The following SPTBN2 variants were observed in gnomAD, a reference collection of about 807,000 sequenced individuals.
SPTBN2 encodes the protein spectrin beta chain, non-erythrocytic 2.
SPTBN2 carries 107 observed loss-of-function variants against 284.2 expected under a neutral mutation model. That is an observed-to-expected ratio of 0.38 (90% confidence interval 0.32 to 0.44). SPTBN2 has a LOEUF of 0.44. SPTBN2 is among the 20% of genes least tolerant of loss of function. The pLI is 1.00. For missense variants in SPTBN2, 2,569 were observed against 3,287.1 expected, an observed-to-expected ratio of 0.78 and a Z score of 5.34; for synonymous variants, 1,289 against 1,354.8, an observed-to-expected ratio of 0.95 and a Z score of 1.07.
At chr11:66,692,427 C>T (rs1940621368) in intron 26 of SPTBN2, 109 bp downstream of exon 26, 3 of 1,350,446 alleles carry the variant, frequency 2.2e-6, no homozygotes, top group South Asian at 2.4e-5. Flanking sequence ...TCAGCCTGGT[C>T]TTGCCCCTTA....
chr11:66,702,214 T>G (rs572420143), intron 15 of SPTBN2, among the ~76,000 whole-genome samples: 2 of 152,384 alleles, frequency 1.3e-5, no homozygotes, highest in Admixed American at 6.5e-5. Context: ...TCACCCAGGC[T>G]GGAGTGTAGT....
chr11:66,697,217 C>T (rs979010171), intron 20 of SPTBN2, among the ~76,000 whole-genome samples: 2 of 152,138 alleles, frequency 1.3e-5, no homozygotes, highest in African/African-American at 2.4e-5. Context: ...TGACTTCTGT[C>T]CCTTCTCATG....
Position 66,687,469 on chromosome 11 carries a change from C to T in SPTBN2, c.6680G>A (p.Arg2227His), listed in dbSNP as rs370257588. 6.8e-6 allele frequency: 11 copies of T among 1,609,678 alleles called. No individual in the cohort carries two copies. Among genetic ancestry groups the T allele is most frequent in the East Asian group, 2.2e-5 (1 of 44,876 alleles). The stretch of plus-strand genomic sequence containing the variant: ...CCCGAAGGCCTCCATCTCCTGCTTG[C>T]GGCACAGCATCCCCTCCATCTGCTC... ...AQEQMEGMLC[R>H]KQEMEAFGKK... The change falls in exon 35 of 38, where the codon CGC becomes CAC. Residue 2227 changes from arginine (R) to histidine (H), a missense_variant. By Grantham distance (29) the Arg-to-His change is conservative. Around this residue, in one of 6 missense-constraint regions of SPTBN2, gnomAD observed 1,130 missense variants for 1,317.3 expected, o/e 0.86. Transcript: ENST00000533211. The surrounding 1 kb of genome is among the most constrained non-coding windows in gnomAD (Gnocchi z 5.2).
Position 66,687,649 on chromosome 11 carries a change from T to TG in SPTBN2, c.6502-3dup, listed in dbSNP as rs761325731. The TG allele has an allele frequency of 2.9e-5, 46 of 1,589,622 alleles. No individual in the cohort carries two copies. In the East Asian group the frequency reaches 4.3e-4, roughly 15 times the overall value. ...GGCTTCGTCCCCTGAGCCAGGTCCC[T>TG]GGGGGGGAATCAGTGTCAGTGTCAA... On this transcript the variant is annotated splice_polypyrimidine_tract_variant and splice_region_variant and intron_variant, in intron 34 of 37. Transcript: ENST00000533211. This position sits in a 1 kb window ranked among gnomAD's most constrained non-coding sequence, Gnocchi z 5.2.
chr11:66,700,115 CCAGTT>C lies in SPTBN2; in HGVS notation c.3573+406_3573+410del, dbSNP rs1462489579. 4.6e-5 allele frequency among the ~76,000 whole-genome samples: 7 copies of C among 151,664 alleles called. No homozygotes were observed. Among genetic ancestry groups the C allele is most frequent in the African/African-American group, 9.7e-5 (4 of 41,156 alleles). On this transcript the variant is annotated intron_variant, in intron 17 of 37. Coordinates refer to ENST00000533211, the MANE Select transcript of SPTBN2 (RefSeq NM_006946.4). This position sits in a 1 kb window ranked among gnomAD's most constrained non-coding sequence, Gnocchi z 6.6. Reference sequence around the variant, plus strand: ...GAGCTACAGGCATGCACCACCATGTCCAGTTAATTTTTTTTTTTCATAGAGATGGG... The same window carrying C: ...GAGCTACAGGCATGCACCACCATGTCAATTTTTTTTTTTCATAGAGATGGG...
chr11:66,700,732 G>T lies in SPTBN2; in HGVS notation c.3367C>A (p.Arg1123=). The change falls in exon 17 of 38, where the codon CGG becomes AGG. Residue 1123 remains arginine, a synonymous_variant. Transcript: ENST00000533211. This position sits in a 1 kb window ranked among gnomAD's most constrained non-coding sequence, Gnocchi z 6.6. ...EVERAQSEYS[R]LRALGEEVTR... is the part of the protein sequence containing the mutation. ...ACCTCCTCGCCCAGGGCTCGCAGCC[G>T]GCTATACTCGCTCTGGGCCCGCTCC... The T allele has an allele frequency of 6.2e-7, 1 of 1,603,394 alleles. No homozygotes were observed. Among genetic ancestry groups the T allele is most frequent in the Non-Finnish European group, 8.5e-7 (1 of 1,179,806 alleles).
intron 1 of SPTBN2, among the ~76,000 whole-genome samples, chr11:66,736,638 T>C (rs1005085728): frequency 2.0e-5 from 3 of 152,236 alleles, no homozygotes; most frequent in African/African-American, 7.2e-5. Context: ...AGTGTCTGAT[T>C]ACACTCATCT....
intron 1 of SPTBN2, among the ~76,000 whole-genome samples, chr11:66,743,418 C>T (rs966914517): frequency 1.4e-4 from 21 of 152,224 alleles, no homozygotes; most frequent in African/African-American, 5.1e-4. Flanking sequence ...CTGTCCAATC[C>T]TGGCGTCTTG....
At position 66,701,848 on chromosome 11, in the gene SPTBN2, C is replaced by T. The variant is rs968950885; in HGVS notation, c.2679-127G>A. Reference sequence around the variant, plus strand: ...CCAGGAGGCTTATCTGCAGGAGTCTCTCTGCCTCTCAGCCTATGAGGTTCA... The same window carrying T: ...CCAGGAGGCTTATCTGCAGGAGTCTTTCTGCCTCTCAGCCTATGAGGTTCA... On this transcript the variant is annotated intron_variant, in intron 15 of 37. Coordinates refer to ENST00000533211, the MANE Select transcript of SPTBN2 (RefSeq NM_006946.4). 2.3e-6 allele frequency: 3 copies of T among 1,329,090 alleles called. No homozygotes were observed. The African/African-American group carries it at 4.3e-5, about 19-fold the overall frequency. The allele number at this position is 1,329,090 out of a possible 1,614,324, so 82.3% of individuals were successfully genotyped here.
At chr11:66,728,352 T>C (rs1010017730) in intron 1 of SPTBN2, 1 of 143,860 alleles carries the variant, frequency 7.0e-6, no homozygotes, top group African/African-American at 2.5e-5. Flanking sequence ...GCGGGGCGCG[T>C]GGCGGCGGCG....
intron 1 of SPTBN2, among the ~76,000 whole-genome samples, chr11:66,734,862 G>T (rs1456557744): frequency 6.6e-6 from 1 of 152,190 alleles, no homozygotes; most frequent in East Asian, 1.9e-4. Context: ...ATCAAATGAT[G>T]TATTTCCCAT....
At chr11:66,722,946 C>A (rs1469165570) in intron 1 of SPTBN2, among the ~76,000 whole-genome samples, 1 of 151,354 alleles carries the variant, frequency 6.6e-6, no homozygotes, top group Admixed American at 6.6e-5. Context: ...GGTCACGCAG[C>A]CGGAAGAAAC....
intron 20 of SPTBN2, among the ~76,000 whole-genome samples, chr11:66,697,701 C>T (rs1206707930): frequency 3.9e-5 from 6 of 152,200 alleles, no homozygotes; most frequent in Non-Finnish European, 8.8e-5. Flanking sequence ...CCCCAGGCTT[C>T]AACGGGGCCA....
rs376594612 is a variant in SPTBN2 at position 66,699,464 on chromosome 11, A to T, written c.3718T>A (p.Ser1240Thr). 56 of 1,613,884 alleles carry T rather than the reference A, an allele frequency of 3.5e-5. No homozygotes were observed. Among genetic ancestry groups the T allele is most frequent in the Non-Finnish European group, 1.4e-5 (16 of 1,180,034 alleles). ...GLLEAGRQLVSEGNIHADKIR... is the reference protein window; with the variant it reads ...GLLEAGRQLVTEGNIHADKIR... ...TTGTCGGCGTGGATGTTGCCTTCAG[A>T]TACCAGCTGGCGGCCAGCCTCCAGG... The change falls in exon 18 of 38, where the codon TCT (serine) becomes ACT (threonine). Residue 1240 changes from serine to threonine, a missense_variant. Coordinates refer to ENST00000533211, the MANE Select transcript of SPTBN2 (RefSeq NM_006946.4).
rs1940417909 is a variant in SPTBN2 at position 66,689,908 on chromosome 11, T to C, written c.5846A>G (p.Gln1949Arg). 2 of 1,614,016 alleles carry C rather than the reference T, an allele frequency of 1.2e-6. No individual in the cohort carries two copies. Among genetic ancestry groups the C allele is most frequent in the Non-Finnish European group, 1.7e-6 (2 of 1,180,020 alleles). The change falls in exon 29 of 38, where the codon CAG becomes CGG. Residue 1949 changes from glutamine to arginine, a missense_variant. Around this residue, in one of 6 missense-constraint regions of SPTBN2, gnomAD observed 1,130 missense variants for 1,317.3 expected, o/e 0.86. Coordinates refer to ENST00000533211, the MANE Select transcript of SPTBN2 (RefSeq NM_006946.4). ...CTCTATCTCTGCCTTGATGCCTTGCTGGTTCTTGATGACTAGATCCGCGGA... is the reference window on the plus strand; with the variant it reads ...CTCTATCTCTGCCTTGATGCCTTGCCGGTTCTTGATGACTAGATCCGCGGA... ...VSSADLVIKN[Q>R]QGIKAEIEAR...
chr11:66,712,061 G>A (rs1015848434), intron 8 of SPTBN2, among the ~76,000 whole-genome samples: 1 of 152,204 alleles, frequency 6.6e-6, no homozygotes. Context: ...CAGAGGCAGC[G>A]GAGGAAACAG....
At position 66,707,307 on chromosome 11, in the gene SPTBN2, T is replaced by C. The variant is rs1941611912; in HGVS notation, c.1653+209A>G. On this transcript the variant is annotated intron_variant, in intron 13 of 37. Coordinates refer to ENST00000533211, the MANE Select transcript of SPTBN2 (RefSeq NM_006946.4). The surrounding 1 kb of genome is among the most constrained non-coding windows in gnomAD (Gnocchi z 4.9). ...CCCTGCTCTTTTGTTTACGGAAAGG[T>C]CCGTGGGTTTTGTCATCAGCCTCCT... is the stretch of plus-strand genomic sequence containing the variant. Among the ~76,000 whole-genome samples, 1 of 152,190 alleles carries C rather than the reference T, an allele frequency of 6.6e-6. No homozygotes were observed. Among genetic ancestry groups the C allele is most frequent in the Admixed American group, 6.5e-5 (1 of 15,284 alleles).
At position 66,707,050 on chromosome 11, in the gene SPTBN2, C is replaced by G. The variant is rs1310156015; in HGVS notation, c.1653+466G>C. ...CCCAAATCTCAGTCCATGGCCCCCA[C>G]TCCTCATGCTCACAGCCCACCGGCC... On this transcript the variant is annotated intron_variant, in intron 13 of 37. Transcript: ENST00000533211. The surrounding 1 kb of genome is among the most constrained non-coding windows in gnomAD (Gnocchi z 4.9). Among the ~76,000 whole-genome samples the G allele has an allele frequency of 6.6e-6, 1 of 152,260 alleles. No individual in the cohort carries two copies. Among genetic ancestry groups the G allele is most frequent in the African/African-American group, 2.4e-5 (1 of 41,472 alleles).
intron 19 of SPTBN2, 102 bp downstream of exon 19, chr11:66,698,890 T>C (rs769983236): frequency 1.8e-4 from 282 of 1,599,098 alleles, no homozygotes; most frequent in Non-Finnish European, 2.3e-4. Flanking sequence ...GAAGAAGCCA[T>C]GAAGGGGCTC....
Sources: gnomAD v4.1 joint callset for allele counts (sites outside exome capture counted in the v4.1 genomes callset) on GRCh38, gnomAD v4.1.1 for gene constraint, gnomAD v4.1.1 regional missense constraint, Gnocchi (gnomAD v3.1) non-coding constraint, MANE v1.5 for transcripts, NCBI Gene and HGNC (gene_info 2026-07-23, HGNC 2026-07-21) for gene names.